Variants in PTPN4 observed in about 807,000 individuals in gnomAD.
The protein encoded by PTPN4 is protein tyrosine phosphatase non-receptor type 4.
Under a neutral mutation model 135.5 loss-of-function variants are expected in PTPN4, and 49 were observed. That is an observed-to-expected ratio of 0.36 (90% confidence interval 0.29 to 0.46). The LOEUF (loss-of-function observed/expected upper bound fraction) is 0.46, where lower values mean the gene tolerates loss of function less well. PTPN4 is among the 20% of genes least tolerant of loss of function. The probability of loss-of-function intolerance (pLI) is 1.00; values close to 1 mark genes in which losing one functional copy is unlikely to be tolerated. For synonymous variants in PTPN4, 333 were observed against 369.9 expected (o/e 0.90, Z 1.14); for missense variants, 860 against 1,101.0 (o/e 0.78, Z 3.10).
intron 2 of PTPN4, among the ~76,000 whole-genome samples, chr2:119,824,627 T>A (rs1677120911): frequency 6.6e-6 from 1 of 152,214 alleles, no homozygotes; most frequent in African/African-American, 2.4e-5. Flanking sequence ...AGATACCCAT[T>A]TGGGACTGTG....
intron 24 of PTPN4, among the ~76,000 whole-genome samples, chr2:119,963,758 G>A (rs999615345): frequency 6.6e-6 from 1 of 152,110 alleles, no homozygotes; most frequent in African/African-American, 2.4e-5. Flanking sequence ...TGTAGCTCAT[G>A]GTCTAATGTA....
intron 26 of PTPN4, among the ~76,000 whole-genome samples, chr2:119,976,089 A>G (rs1361382110): frequency 1.3e-5 from 2 of 149,392 alleles, no homozygotes; most frequent in East Asian, 4.0e-4. Context: ...TCCGCCTCCC[A>G]GGTTCACGCC....
chr2:119,772,071 T>G (rs1690745986), intron 1 of PTPN4, among the ~76,000 whole-genome samples: 1 of 152,250 alleles, frequency 6.6e-6, no homozygotes, highest in African/African-American at 2.4e-5. Flanking sequence ...TTTTAGATAC[T>G]TGTTCATGAA....
chr2:119,893,652 A>C (rs1274926980), intron 9 of PTPN4, among the ~76,000 whole-genome samples: 1 of 152,222 alleles, frequency 6.6e-6, no homozygotes, highest in Non-Finnish European at 1.5e-5. Context: ...GAATTTGAAG[A>C]GATGAAGAAG....
intron 2 of PTPN4, among the ~76,000 whole-genome samples, chr2:119,831,351 T>C (rs988977155): frequency 7.2e-5 from 11 of 152,152 alleles, no homozygotes; most frequent in Admixed American, 7.2e-4. Context: ...CCTACAATAA[T>C]TCATTTTCAC....
Position 119,955,283 on chromosome 2 carries a change from C to A in PTPN4, c.1940C>A (p.Ala647Asp). ...HSLRESMIQL[A>D]EGLITGTVLT... ...CTGCGGGAGTCAATGATCCAGCTAG[C>A]TGAGGGGCTTATCACTGGAACAGTC... The change falls in exon 20 of 27, where the codon GCT becomes GAT. Residue 647 changes from alanine (A) to aspartate (D), a missense_variant. Ala to Asp is a moderately radical substitution (Grantham distance 126). This residue lies in a region of PTPN4 where 684 missense variants were observed against 807.0 expected (regional missense o/e 0.85). Coordinates refer to ENST00000263708, the MANE Select transcript of PTPN4 (RefSeq NM_002830.4). 3 of 1,612,914 alleles carry A rather than the reference C, an allele frequency of 1.9e-6. No individual in the cohort carries two copies. Among genetic ancestry groups the A allele is most frequent in the Non-Finnish European group, 2.5e-6 (3 of 1,179,574 alleles).
intron 9 of PTPN4, among the ~76,000 whole-genome samples, chr2:119,894,192 T>G (rs1678283948): frequency 6.6e-6 from 1 of 152,182 alleles, no homozygotes; most frequent in African/African-American, 2.4e-5. Flanking sequence ...TTCCAAAACC[T>G]CATTTTTAAC....
chr2:119,829,769 T>G (rs1178318135), intron 2 of PTPN4, among the ~76,000 whole-genome samples: 1 of 152,226 alleles, frequency 6.6e-6, no homozygotes, highest in African/African-American at 2.4e-5. Context: ...TGATTAATGT[T>G]GCAAACATTG....
chr2:119,846,947 T>C (rs1677508207), intron 2 of PTPN4, among the ~76,000 whole-genome samples: 1 of 151,300 alleles, frequency 6.6e-6, no homozygotes, highest in South Asian at 2.1e-4. Flanking sequence ...CAAAAATATA[T>C]TCTGTAAAAT....
intron 15 of PTPN4, among the ~76,000 whole-genome samples, chr2:119,941,457 T>G (rs1037086770): frequency 6.6e-6 from 1 of 151,804 alleles, no homozygotes; most frequent in Non-Finnish European, 1.5e-5. Context: ...TGGTTGTGTA[T>G]GTATACAGTT....
chr2:119,813,723 G>T (rs539083170), intron 2 of PTPN4, among the ~76,000 whole-genome samples: 6 of 152,304 alleles, frequency 3.9e-5, no homozygotes, highest in Admixed American at 2.0e-4. Context: ...AAAAGTGGAG[G>T]ATCATCATGT....
intron 2 of PTPN4, among the ~76,000 whole-genome samples, chr2:119,818,960 C>T (rs971789805): frequency 3.9e-5 from 6 of 152,150 alleles, no homozygotes; most frequent in Non-Finnish European, 7.4e-5. Context: ...CTATTTTCTC[C>T]TAGAAATTCT....
intron 13 of PTPN4, among the ~76,000 whole-genome samples, chr2:119,931,026 A>C (rs1407614606): frequency 6.6e-6 from 1 of 152,178 alleles, no homozygotes; most frequent in South Asian, 2.1e-4. Flanking sequence ...TTCATTTTTA[A>C]ATTTTACTCA....
At chr2:119,926,801 TTAACAG>T in intron 13 of PTPN4, 135 bp downstream of exon 13, 2 of 644,028 alleles carry the variant, frequency 3.1e-6, no homozygotes, top group South Asian at 4.6e-5. Context: ...TCACAATTCT[TTAACAG>T]TAAATAATGT....
intron 10 of PTPN4, among the ~76,000 whole-genome samples, chr2:119,902,224 G>T (rs1678415327): frequency 6.6e-6 from 1 of 152,164 alleles, no homozygotes; most frequent in Non-Finnish European, 1.5e-5. Context: ...AAAATATGTT[G>T]TATTTCTCTT....
At chr2:119,831,863 A>G (rs146507440) in intron 2 of PTPN4, among the ~76,000 whole-genome samples, 10 of 152,328 alleles carry the variant, frequency 6.6e-5, no homozygotes, top group Admixed American at 2.0e-4. Context: ...TACTTCTGCA[A>G]GTAACCTGTT....
At chr2:119,947,762 C>CCA (rs3084728) in intron 18 of PTPN4, among the ~76,000 whole-genome samples, 11,693 of 147,102 alleles carry the variant, frequency 0.079, 1,004 homozygotes, top group African/African-American at 0.22. Context: ...AACACCACTA[C>CCA]CACACACACA....
chr2:119,935,514 G>A (rs187887831), intron 15 of PTPN4, among the ~76,000 whole-genome samples: 7 of 152,182 alleles, frequency 4.6e-5, no homozygotes, highest in Admixed American at 1.3e-4. Flanking sequence ...CCCTGGGTAG[G>A]GTAAACCAAG....
chr2:119,976,001 T>A (rs865834659), intron 26 of PTPN4, among the ~76,000 whole-genome samples: 170 of 3,140 alleles, frequency 0.054, 1 homozygote, highest in Admixed American at 0.1. Context: ...ATTTATTTAT[T>A]TTTTTTTTTT....
Sources: allele counts gnomAD v4.1 joint callset (sites outside exome capture counted in the v4.1 genomes callset), GRCh38; gene constraint gnomAD v4.1.1; regional missense constraint gnomAD v4.1.1; transcripts MANE v1.5; gene names NCBI Gene and HGNC (gene_info 2026-07-23, HGNC 2026-07-21).